Variants in WDR4 observed in about 807,000 individuals in gnomAD.
WDR4 encodes WDR4 tRNA N7-guanosine methyltransferase non-catalytic subunit, also known as tRNA (guanine-N(7)-)-methyltransferase non-catalytic subunit WDR4.
Under a neutral mutation model 48.6 loss-of-function variants are expected in WDR4, and 47 were observed. That is an observed-to-expected ratio of 0.97 (90% CI 0.77 to 1.23). The LOEUF is 1.23. Among genes scored for constraint, WDR4 ranks in the 50% most tolerant of loss-of-function variants. The pLI is 0.00. For missense variants in WDR4, 606 were observed against 551.6 expected, an observed-to-expected ratio of 1.10 and a Z score of -0.99; for synonymous variants, 268 against 230.0, an observed-to-expected ratio of 1.17 and a Z score of -1.49.
chr21:42,887,026 CTT>C, the WDR4 span: 14 of 152,330 alleles, frequency 9.2e-5, no homozygotes, highest in Admixed American at 9.2e-4. Context: ...GAGTTTCACT[CTT>C]GTTGCCCAGG....
At chr21:42,844,060 TGGCCATA>T (rs1432056829) in intron 11 of WDR4, among the ~76,000 whole-genome samples, 1 of 151,786 alleles carries the variant, frequency 6.6e-6, no homozygotes, top group Non-Finnish European at 1.5e-5. Flanking sequence ...ATACAGAAAA[TGGCCATA>T]GCTTAACAGC....
chr21:42,881,966 T>C (rs1239432608), upstream of WDR4, among the ~76,000 whole-genome samples: 1 of 152,066 alleles, frequency 6.6e-6, no homozygotes, highest in Non-Finnish European at 1.5e-5. Context: ...CGTGCCCAGC[T>C]AATTTTGTAT....
intron 3 of WDR4, 61 bp from the exon 4 acceptor site, chr21:42,863,657 C>A: frequency 2.6e-6 from 4 of 1,544,514 alleles, no homozygotes; most frequent in Non-Finnish European, 3.5e-6. Flanking sequence ...CCTCGACAGC[C>A]TGGCAGGCCA....
At chr21:42,854,966 C>T (rs369196852) in intron 7 of WDR4, among the ~76,000 whole-genome samples, 1 of 152,098 alleles carries the variant, frequency 6.6e-6, no homozygotes, top group Admixed American at 6.5e-5. Flanking sequence ...GCCCTGTGAG[C>T]TCCCACAGTT....
Position 42,854,591 on chromosome 21 carries a change from C to T in WDR4, c.762G>A (p.Gln254=), listed in dbSNP as rs543989584. The T allele has an allele frequency of 6.2e-7, 1 of 1,613,876 alleles. No individual in the cohort carries two copies. The highest frequency in any genetic ancestry group is 1.1e-5 in the South Asian group (1 of 91,026). The change falls in exon 8 of 11, where the codon CAG becomes CAA. Residue 254 remains glutamine, a synonymous_variant. Coordinates refer to ENST00000398208, the MANE Select transcript of WDR4 (RefSeq NM_018669.6). ...CGCACAGGAGCGCCACGCAGTTCTCCTGGCACCAGAATGCAATCCTGGACG... is the reference window on the plus strand; with the variant it reads ...CGCACAGGAGCGCCACGCAGTTCTCTTGGCACCAGAATGCAATCCTGGACG... ...FAASRIAFWC[Q]ENCVALLCDG... is the part of the protein sequence containing the mutation.
At chr21:42,879,598 C>A (rs1273358398), upstream of WDR4, 3 of 1,391,430 alleles carry the variant, frequency 2.2e-6, no homozygotes, top group South Asian at 2.5e-5. Flanking sequence ...ATGACGTATA[C>A]CCCACGTACC....
rs763283550 is a variant in WDR4, at chr21:42,863,513, T to C, written c.380A>G (p.Tyr127Cys). The change falls in exon 4 of 11, where the codon TAC (tyrosine) becomes TGC (cysteine). Residue 127 changes from tyrosine to cysteine, a missense_variant. Physicochemically the swap from Tyr to Cys is radical, Grantham distance 194. Transcript: ENST00000398208. ...VLVADKSGDV[Y>C]SFSVLEPHGC... ...GTGTGGCTCCAGCACCGAAAAGGAG[T>C]AGACGTCTCCAGACTTGTCGGCCAC... 4 of 1,610,820 alleles carry C rather than the reference T, an allele frequency of 2.5e-6. No individual in the cohort carries two copies. The highest frequency in any genetic ancestry group is 3.4e-6 in the Non-Finnish European group (4 of 1,179,286).
chr21:42,859,067 G>C (rs2058056610), intron 6 of WDR4, among the ~76,000 whole-genome samples: 1 of 152,050 alleles, frequency 6.6e-6, no homozygotes, highest in African/African-American at 2.4e-5. Flanking sequence ...TAAACTGTAA[G>C]GCTTCCAGGA....
In WDR4 at chr21:42,859,558, C is replaced by CCAGGGGCCAGCGATCCA. The variant is rs149300976; in HGVS notation, c.627+87_627+103dup. On this transcript the variant is annotated intron_variant, in intron 6 of 10. Coordinates refer to ENST00000398208, the MANE Select transcript of WDR4 (RefSeq NM_018669.6). ...AGATCTAGTGGACAGCCACAGCCAG[C>CCAGGGGCCAGCGATCCA]CAGGGGCCAGCGATCCACAGGGGCC... 227,537 of 819,604 alleles carry CCAGGGGCCAGCGATCCA rather than the reference C, an allele frequency of 0.28. 51,606 individuals are homozygous for CCAGGGGCCAGCGATCCA. The highest frequency in any genetic ancestry group is 0.33 in the African/African-American group (16,178 of 49,052). The allele number at this position is 819,604 out of a possible 1,614,324, so 50.8% of individuals were successfully genotyped here.
the WDR4 span, among the ~76,000 whole-genome samples, chr21:42,887,926 AAAAAACAAAAAC>A: frequency 6.6e-6 from 1 of 152,154 alleles, no homozygotes; most frequent in Non-Finnish European, 1.5e-5. Context: ...CGTGTCAAAA[AAAAAACAAAAAC>A]AAAAACAAAA....
chr21:42,850,437 GCT>G (rs1247852500), intron 10 of WDR4, among the ~76,000 whole-genome samples, 195 bp from the exon 11 acceptor site: 2 of 152,212 alleles, frequency 1.3e-5, no homozygotes, highest in African/African-American at 4.8e-5. Flanking sequence ...CTGAGGACTG[GCT>G]ACTAACAGAA....
At chr21:42,867,424 A>G (rs1400265934) in intron 3 of WDR4, among the ~76,000 whole-genome samples, 1 of 151,030 alleles carries the variant, frequency 6.6e-6, no homozygotes, top group Non-Finnish European at 1.5e-5. Context: ...GTGAACGCAC[A>G]GGTAAAGGGG....
At chr21:42,887,489 C>T in the WDR4 span, among the ~76,000 whole-genome samples, 1 of 152,010 alleles carries the variant, frequency 6.6e-6, no homozygotes, top group African/African-American at 2.4e-5. Context: ...CTTAACTGCT[C>T]ACGAGGAAAT....
intron 3 of WDR4, 67 bp from the exon 4 acceptor site, chr21:42,863,663 G>A: frequency 6.6e-7 from 1 of 1,522,922 alleles, no homozygotes; most frequent in Non-Finnish European, 8.9e-7. Flanking sequence ...CAGCCTGGCA[G>A]GCCACGTGGG....
intron 3 of WDR4, among the ~76,000 whole-genome samples, chr21:42,868,184 A>T (rs1308548297): frequency 6.6e-6 from 1 of 152,186 alleles, no homozygotes; most frequent in Non-Finnish European, 1.5e-5. Flanking sequence ...TGGAGGAGTC[A>T]GAACCCCTGG....
upstream of WDR4, chr21:42,883,602 G>A (rs1172954853): frequency 2.6e-5 from 4 of 153,720 alleles, no homozygotes; most frequent in Non-Finnish European, 5.9e-5. Flanking sequence ...TGTGTACTGA[G>A]AAGAGAAGGG....
chr21:42,883,314 C>CT (rs11340340), upstream of WDR4, among the ~76,000 whole-genome samples: 475 of 119,460 alleles, frequency 4.0e-3, 1 homozygote, highest in African/African-American at 0.012. Flanking sequence ...AGAAGTTACC[C>CT]TTTTTTTTTT....
chr21:42,878,874 G>A (rs2058561974), intron 1 of WDR4: 1 of 830,326 alleles, frequency 1.2e-6, no homozygotes, highest in East Asian at 1.2e-4. Context: ...GCCCTAAGGA[G>A]CAATTAAGGC....
chr21:42,853,720 G>A lies in WDR4; in HGVS notation c.824C>T (p.Ala275Val), dbSNP rs1465392464. The change falls in exon 9 of 11, where the codon GCC (alanine) becomes GTC (valine). Residue 275 changes from alanine (A) to valine (V), a missense_variant. Physicochemically the swap from Ala to Val is moderately conservative, Grantham distance 64 (BLOSUM62 0). Transcript: ENST00000398208. ...TPVVYIFQLD[A>V]RRQQLVYRQQ... ...CCTGTACACCAACTGCTGTCTGCGG[G>A]CGTCCAGCTGGAAGATGTAGACCAC... is the stretch of plus-strand genomic sequence containing the variant. 1.3e-6 allele frequency: 2 copies of A among 1,563,874 alleles called. No homozygotes were observed. Among genetic ancestry groups the A allele is most frequent in the Admixed American group, 1.9e-5 (1 of 51,688 alleles).
Sources: gnomAD v4.1 joint callset for allele counts (sites outside exome capture counted in the v4.1 genomes callset) on GRCh38, gnomAD v4.1.1 for gene constraint, MANE v1.5 for transcripts, NCBI Gene and HGNC (gene_info 2026-07-23, HGNC 2026-07-21) for gene names.